TPCN2: variants seen among roughly 807,000 people sequenced by gnomAD.
TPCN2 encodes two pore segment channel 2, also known as two pore channel protein 2.
Under a neutral mutation model 111.4 loss-of-function variants are expected in TPCN2, and 92 were observed. The ratio of observed to expected loss-of-function variants is 0.83; its 90% CI spans 0.70 to 0.98. The LOEUF (loss-of-function observed/expected upper bound fraction) is 0.98. Among genes scored for constraint, TPCN2 ranks in the 50% least tolerant of loss-of-function variants. The pLI is 0.00. For missense variants in TPCN2, 995 were observed against 980.1 expected (o/e 1.02, Z -0.20); for synonymous variants, 405 against 414.5 (o/e 0.98, Z 0.28).
chr11:69,075,759 G>C (rs1855725290), intron 13 of TPCN2, among the ~76,000 whole-genome samples: 1 of 152,200 alleles, frequency 6.6e-6, no homozygotes, highest in African/African-American at 2.4e-5. Flanking sequence ...GTGCTTGCTG[G>C]CGAGCTTCAG....
intron 7 of TPCN2, among the ~76,000 whole-genome samples, chr11:69,064,241 C>T (rs560409180): frequency 2.6e-5 from 4 of 152,114 alleles, no homozygotes; most frequent in South Asian, 2.1e-4. Flanking sequence ...TCTGCTCCCT[C>T]CCATCCTGAC....
intron 13 of TPCN2, among the ~76,000 whole-genome samples, chr11:69,073,958 C>G (rs182631346): frequency 7.0e-6 from 1 of 143,772 alleles, no homozygotes; most frequent in East Asian, 2.0e-4. Context: ...TATAAGGACC[C>G]TATTCAGATT....
In TPCN2 at chr11:69,071,969, C is replaced by G. The variant is rs778454612; in HGVS notation, c.1007C>G (p.Ala336Gly). Residue 336 changes from alanine (A) to glycine (G), a missense_variant, in exon 11 of 25, where the codon GCT becomes GGT. Coordinates refer to ENST00000294309, the MANE Select transcript of TPCN2 (RefSeq NM_139075.4). ...TTTCGGAGGCGGCTGGGAACCCGGG[C>G]TGCCTTTGAAGTCCTATCCTCCATG... ...SLFRRRLGTRAAFEVLSSMVG... is the reference protein window; with the variant it reads ...SLFRRRLGTRGAFEVLSSMVG... The G allele has an allele frequency of 1.2e-6, 2 of 1,613,954 alleles. No homozygotes were observed. Among genetic ancestry groups the G allele is most frequent in the Non-Finnish European group, 1.7e-6 (2 of 1,180,008 alleles).
At chr11:69,064,384 C>G (rs1855169813) in intron 7 of TPCN2, among the ~76,000 whole-genome samples, 2 of 150,760 alleles carry the variant, frequency 1.3e-5, no homozygotes, top group Admixed American at 6.6e-5. Context: ...TCCTTCCTGA[C>G]AACCAGGCTT....
chr11:69,081,427 G>A lies in TPCN2; in HGVS notation c.1617G>A (p.Ser539=), dbSNP rs374136809. 1.0e-5 allele frequency: 16 copies of A among 1,562,720 alleles called. No individual in the cohort carries two copies. The highest frequency in any genetic ancestry group is 7.1e-5 in the East Asian group (3 of 42,330). The change falls in exon 18 of 25, where the codon TCG becomes TCA. Residue 539 remains serine, a synonymous_variant. Transcript: ENST00000294309. ...GWRPEMVGLL[S]LWDMTRMLNM... Reference sequence around the variant, plus strand: ...GGCCGGAGATGGTGGGCCTGCTGTCGCTGTGGGACATGACCCGCATGCTGA... The same window carrying A: ...GGCCGGAGATGGTGGGCCTGCTGTCACTGTGGGACATGACCCGCATGCTGA...
intron 18 of TPCN2, among the ~76,000 whole-genome samples, chr11:69,082,207 A>G (rs977988372): frequency 3.9e-5 from 6 of 152,216 alleles, no homozygotes; most frequent in Admixed American, 1.3e-4. Flanking sequence ...ATACGCACAC[A>G]CACGCGCACA....
At chr11:69,072,746 C>T (rs1203369127) in intron 12 of TPCN2, 38 bp downstream of exon 12, 3 of 1,610,772 alleles carry the variant, frequency 1.9e-6, no homozygotes, top group Middle Eastern at 3.6e-4. Context: ...CTGGGCTCCT[C>T]CCGGGAGGTC....
intron 5 of TPCN2, among the ~76,000 whole-genome samples, chr11:69,059,823 C>T (rs1000066459): frequency 1.3e-5 from 2 of 152,206 alleles, no homozygotes; most frequent in African/African-American, 4.8e-5. Flanking sequence ...GCAAGGGCCC[C>T]TCTGTTGTCA....
intron 17 of TPCN2, among the ~76,000 whole-genome samples, chr11:69,080,852 G>C (rs1855976137): frequency 6.6e-6 from 1 of 152,240 alleles, no homozygotes; most frequent in Non-Finnish European, 1.5e-5. Context: ...GGCTGACACT[G>C]TGGGTGAGAA....
At chr11:69,058,719 T>C (rs1370433712) in intron 5 of TPCN2, among the ~76,000 whole-genome samples, 1 of 152,204 alleles carries the variant, frequency 6.6e-6, no homozygotes, top group Non-Finnish European at 1.5e-5. Flanking sequence ...GCTGTGCTGC[T>C]GCGGGGCCTC....
chr11:69,065,383 T>C (rs913153023), intron 7 of TPCN2, among the ~76,000 whole-genome samples: 4 of 152,134 alleles, frequency 2.6e-5, no homozygotes, highest in African/African-American at 9.7e-5. Flanking sequence ...GAAAGCCGAG[T>C]GTCCCATCCT....
chr11:69,060,750 G>T (rs540891236), intron 5 of TPCN2, among the ~76,000 whole-genome samples: 48 of 152,336 alleles, frequency 3.2e-4, no homozygotes, highest in African/African-American at 1.1e-3. Context: ...TTCCTGGGCA[G>T]GGGAGGGGAC....
intron 1 of TPCN2, 35 bp downstream of exon 1, chr11:69,049,141 G>C: frequency 1.7e-6 from 2 of 1,185,568 alleles, no homozygotes; most frequent in African/African-American, 3.2e-5. Flanking sequence ...GGACTGGCCC[G>C]GGAGACCAGG....
chr11:69,049,197 G>A (rs2134500556), intron 1 of TPCN2, 91 bp downstream of exon 1: 1 of 889,280 alleles, frequency 1.1e-6, no homozygotes, highest in African/African-American at 1.7e-5. Context: ...CTTTCTGCCG[G>A]GCGCGCCCCC....
At chr11:69,052,454 G>A (rs1249935260) in intron 1 of TPCN2, among the ~76,000 whole-genome samples, 1 of 152,120 alleles carries the variant, frequency 6.6e-6, no homozygotes, top group Non-Finnish European at 1.5e-5. Context: ...ATGTGCTCAG[G>A]GGACATAAAC....
chr11:69,075,541 C>T (rs1017535709), intron 13 of TPCN2, among the ~76,000 whole-genome samples: 3 of 152,216 alleles, frequency 2.0e-5, no homozygotes, highest in Admixed American at 6.5e-5. Context: ...GGACGCAGAG[C>T]CCGCTGACGT....
In TPCN2 at chr11:69,073,095, C is replaced by T. The variant is rs1855610279; in HGVS notation, c.1230+94C>T. 1.9e-5 allele frequency: 17 copies of T among 898,252 alleles called. No individual in the cohort carries two copies. In the Admixed American group the frequency reaches 3.0e-4, roughly 16 times the overall value. 55.6% of individuals were successfully genotyped at this position (898,252 alleles called of 1,614,324 possible). ...TGGGGAACTCTTCTAATGATCAGTG[C>T]TGGGATTCACCTGCCAGGGATCCTG... On this transcript the variant is annotated intron_variant, in intron 13 of 24. Coordinates refer to ENST00000294309, the MANE Select transcript of TPCN2 (RefSeq NM_139075.4).
Position 69,088,038 on chromosome 11 carries a change from G to C in TPCN2, c.*85G>C. ...CCGTCATGGAAGAGGCGGCCATGCTGTGGCCAGCCAGGCAGGAAGAGACCT... is the reference window on the plus strand; with the variant it reads ...CCGTCATGGAAGAGGCGGCCATGCTCTGGCCAGCCAGGCAGGAAGAGACCT... On this transcript the variant is annotated 3_prime_UTR_variant, in exon 25 of 25. Coordinates refer to ENST00000294309, the MANE Select transcript of TPCN2 (RefSeq NM_139075.4). 8.1e-7 allele frequency: 1 copy of C among 1,238,820 alleles called. No homozygotes were observed. Among genetic ancestry groups the C allele is most frequent in the Non-Finnish European group, 1.1e-6 (1 of 888,802 alleles). The allele number at this position is 1,238,820 out of a possible 1,614,324, so 76.7% of individuals were successfully genotyped here. A position where few individuals can be genotyped will look rare whatever the true frequency, so the allele number is the denominator to read the frequency against.
chr11:69,064,085 T>C, intron 7 of TPCN2, 118 bp downstream of exon 7: 2 of 969,146 alleles, frequency 2.1e-6, no homozygotes, highest in Non-Finnish European at 3.2e-6. Flanking sequence ...TGTCCAGTAA[T>C]AGCAGTGGCC....
Sources: allele counts gnomAD v4.1 joint callset (sites outside exome capture counted in the v4.1 genomes callset), GRCh38; gene constraint gnomAD v4.1.1; transcripts MANE v1.5; gene names NCBI Gene and HGNC (gene_info 2026-07-23, HGNC 2026-07-21).